Variants in TSHZ1 observed in about 807,000 individuals in gnomAD.
TSHZ1 encodes teashirt zinc finger homeobox 1.
TSHZ1 carries 12 observed loss-of-function variants against 67.1 expected under a neutral mutation model. That is an observed-to-expected ratio of 0.18 (90% confidence interval 0.11 to 0.29). The LOEUF is 0.29. Ranked by LOEUF, TSHZ1 falls within the 10% of genes least tolerant of loss-of-function variation. TSHZ1 has a pLI of 1.00. For synonymous variants in TSHZ1, 632 were observed against 622.4 expected (o/e 1.02, Z -0.23); for missense variants, 1,305 against 1,413.9 (o/e 0.92, Z 1.23).
chr18:75,242,394 C>T (rs1465218508), intron 1 of TSHZ1, among the ~76,000 whole-genome samples: 1 of 152,190 alleles, frequency 6.6e-6, no homozygotes, highest in Non-Finnish European at 1.5e-5. Context: ...GAACCTATCA[C>T]TTTACCAGGT....
chr18:75,238,618 G>A lies in TSHZ1; in HGVS notation c.40+26702G>A, dbSNP rs117656937. ...GGATGAAGACTAGAAAAGTCTGTGC[G>A]TTTCTGCAGGGTTTAGTGCTGGGGG... On this transcript the variant is annotated intron_variant, in intron 1 of 1. Transcript: ENST00000580243. 7.8e-3 allele frequency among the ~76,000 whole-genome samples: 1,191 copies of A among 151,876 alleles called. 4 individuals are homozygous for A. Among genetic ancestry groups the A allele is most frequent in the Non-Finnish European group, 0.011 (761 of 67,972 alleles).
At chr18:75,271,406 C>G (rs1294109559) in intron 1 of TSHZ1, among the ~76,000 whole-genome samples, 1 of 152,142 alleles carries the variant, frequency 6.6e-6, no homozygotes, top group African/African-American at 2.4e-5. Context: ...AGCTGGGAAA[C>G]TTTATCTCTC....
At chr18:75,213,034 T>C (rs1046666793) in intron 1 of TSHZ1, among the ~76,000 whole-genome samples, 1 of 152,254 alleles carries the variant, frequency 6.6e-6, no homozygotes, top group Non-Finnish European at 1.5e-5. Flanking sequence ...AGCGACTCTT[T>C]AGCTGTTGCA....
chr18:75,233,654 G>C lies in TSHZ1; in HGVS notation c.40+21738G>C, dbSNP rs185710512. Among the ~76,000 whole-genome samples, 16 of 152,272 alleles carry C rather than the reference G, an allele frequency of 1.1e-4. No individual in the cohort carries two copies. The South Asian group carries it at 3.3e-3, about 32-fold the overall frequency. On this transcript the variant is annotated intron_variant, in intron 1 of 1. Coordinates refer to ENST00000580243, the MANE Select transcript of TSHZ1 (RefSeq NM_001308210.2). ...ATCTGCAAGTGCTCATAGCTTCTGC[G>C]TTTACAGAACCCTGAAAGAGAAACT...
rs974148920 is a variant in TSHZ1 at position 75,287,654 on chromosome 18, G to C, written c.2247G>C (p.Leu749Phe). ...CCTTCATCAACCCGCTGAGCGCTTT[G>C]CAGTCCATCATGAACACCCACCTGG... ...EPSFINPLSA[L>F]QSIMNTHLGK... The change falls in exon 2 of 2, where the codon TTG becomes TTC. Residue 749 changes from leucine (L) to phenylalanine (F), a missense_variant. Around this residue, in one of 3 missense-constraint regions of TSHZ1, gnomAD observed 909 missense variants for 961.8 expected, o/e 0.95. Coordinates refer to ENST00000580243, the MANE Select transcript of TSHZ1 (RefSeq NM_001308210.2). The surrounding 1 kb of genome is among the most constrained non-coding windows in gnomAD (Gnocchi z 5.0). 4 of 1,614,034 alleles carry C rather than the reference G, an allele frequency of 2.5e-6. No individual in the cohort carries two copies. The African/African-American group carries it at 5.3e-5, about 22-fold the overall frequency.
chr18:75,214,873 C>G (rs143859299), intron 1 of TSHZ1, among the ~76,000 whole-genome samples: 82 of 152,230 alleles, frequency 5.4e-4, no homozygotes, highest in Middle Eastern at 3.4e-3. Flanking sequence ...ACGATTAATG[C>G]GGACAAATTC....
At chr18:75,273,979 A>G (rs1359355271) in intron 1 of TSHZ1, among the ~76,000 whole-genome samples, 1 of 151,910 alleles carries the variant, frequency 6.6e-6, no homozygotes, top group Non-Finnish European at 1.5e-5. Context: ...GCACACCCAC[A>G]CCCACCCACA....
chr18:75,229,401 C>G (rs2022967567), intron 1 of TSHZ1, among the ~76,000 whole-genome samples: 1 of 152,210 alleles, frequency 6.6e-6, no homozygotes, highest in African/African-American at 2.4e-5. Flanking sequence ...GTATAATGGC[C>G]CACACTGTAT....
chr18:75,244,599 C>G (rs540257378), intron 1 of TSHZ1: 1 of 152,188 alleles, frequency 6.6e-6, no homozygotes, highest in Non-Finnish European at 1.5e-5. Context: ...TTCTCCAGTG[C>G]GGTTGGGCCG....
rs188671369 is a variant in TSHZ1, at chr18:75,278,435, G to A, written c.41-7013G>A. On this transcript the variant is annotated intron_variant, in intron 1 of 1. Coordinates refer to ENST00000580243, the MANE Select transcript of TSHZ1 (RefSeq NM_001308210.2). ...TTTCTCCTATCTCAGGCTTTGTCCC[G>A]TGACTCCTGGCCGCCTTCTCCCCAG... Among the ~76,000 whole-genome samples the A allele has an allele frequency of 5.1e-4, 78 of 152,304 alleles. 1 individual carries two copies. The East Asian group carries it at 6.6e-3, about 13-fold the overall frequency.
chr18:75,235,794 G>A (rs376097207), intron 1 of TSHZ1, among the ~76,000 whole-genome samples: 6 of 152,156 alleles, frequency 3.9e-5, no homozygotes, highest in African/African-American at 1.2e-4. Context: ...CATCTCAGCC[G>A]TCTCCTCCTC....
intron 1 of TSHZ1, among the ~76,000 whole-genome samples, chr18:75,271,986 C>T (rs903795177): frequency 2.0e-5 from 3 of 152,150 alleles, no homozygotes; most frequent in African/African-American, 4.8e-5. Flanking sequence ...AGTTATGTGG[C>T]GTGATTCTAA....
At position 75,287,536 on chromosome 18, in the gene TSHZ1, T is replaced by A. The variant is rs749182927; in HGVS notation, c.2129T>A (p.Val710Asp). 6.2e-7 allele frequency: 1 copy of A among 1,614,162 alleles called. No individual in the cohort carries two copies. Among genetic ancestry groups the A allele is most frequent in the Admixed American group, 1.7e-5 (1 of 60,034 alleles). ...GCCAAAAAGGAGGGACCGCTGGACG[T>A]TCACACCCCAAATGGCACAGAGCCT... ...GKAKKEGPLD[V>D]HTPNGTEPLK... Residue 710 changes from valine (V) to aspartate (D), a missense_variant, in exon 2 of 2, where the codon GTT becomes GAT. By Grantham distance (152) the Val-to-Asp change is radical. This residue lies in a region of TSHZ1 where 909 missense variants were observed against 961.8 expected (regional missense o/e 0.95). Coordinates refer to ENST00000580243, the MANE Select transcript of TSHZ1 (RefSeq NM_001308210.2). This position sits in a 1 kb window ranked among gnomAD's most constrained non-coding sequence, Gnocchi z 5.0.
chr18:75,212,644 A>T (rs913099469), intron 1 of TSHZ1, among the ~76,000 whole-genome samples: 2 of 152,034 alleles, frequency 1.3e-5, no homozygotes, highest in Admixed American at 6.5e-5. Context: ...TCAATAAATC[A>T]CTCACCATGG....
At chr18:75,265,579 C>A (rs540521512) in intron 1 of TSHZ1, among the ~76,000 whole-genome samples, 8 of 152,298 alleles carry the variant, frequency 5.3e-5, no homozygotes, top group African/African-American at 1.7e-4. Flanking sequence ...TGTCACTGTG[C>A]ATAGCAACAG....
At position 75,287,856 on chromosome 18, in the gene TSHZ1, A is replaced by G. The variant is rs763860858; in HGVS notation, c.2449A>G (p.Asn817Asp). Reference sequence around the variant, plus strand: ...GCCCATTGACTTAACCAAGTCCAAGAACAAGCCGCTGGTGTCCAGCGTGGC... The same window carrying G: ...GCCCATTGACTTAACCAAGTCCAAGGACAAGCCGCTGGTGTCCAGCGTGGC... ...DQPIDLTKSK[N>D]KPLVSSVADS... The change falls in exon 2 of 2, where the codon AAC (asparagine) becomes GAC (aspartate). Residue 817 changes from asparagine (N) to aspartate (D), a missense_variant. This residue lies in a region of TSHZ1 where 909 missense variants were observed against 961.8 expected (regional missense o/e 0.95). Transcript: ENST00000580243. This position sits in a 1 kb window ranked among gnomAD's most constrained non-coding sequence, Gnocchi z 5.0. The G allele has an allele frequency of 6.8e-6, 11 of 1,614,194 alleles. No individual in the cohort carries two copies. The highest frequency in any genetic ancestry group is 1.1e-5 in the South Asian group (1 of 91,090).
At chr18:75,275,174 A>T (rs2122601469) in intron 1 of TSHZ1, among the ~76,000 whole-genome samples, 1 of 152,240 alleles carries the variant, frequency 6.6e-6, no homozygotes, top group African/African-American at 2.4e-5. Flanking sequence ...CTGTGTGTTT[A>T]TGGGAATAAG....
intron 1 of TSHZ1, among the ~76,000 whole-genome samples, chr18:75,222,516 A>G (rs1320993373): frequency 1.3e-5 from 2 of 152,020 alleles, no homozygotes; most frequent in Admixed American, 6.6e-5. Flanking sequence ...AGCTCCGAGA[A>G]GCTGGTGGAA....
chr18:75,248,720 T>C (rs560994782), intron 1 of TSHZ1, among the ~76,000 whole-genome samples: 2 of 152,368 alleles, frequency 1.3e-5, no homozygotes, highest in African/African-American at 2.4e-5. Context: ...CTATGACATA[T>C]AGATATACGT....
Sources: gnomAD v4.1 joint callset for allele counts (sites outside exome capture counted in the v4.1 genomes callset) on GRCh38, gnomAD v4.1.1 for gene constraint, gnomAD v4.1.1 regional missense constraint, Gnocchi (gnomAD v3.1) non-coding constraint, MANE v1.5 for transcripts, NCBI Gene and HGNC (gene_info 2026-07-23, HGNC 2026-07-21) for gene names.